Variants in PRELID2 observed in about 807,000 individuals in gnomAD.
PRELID2 encodes the protein PRELI domain containing 2.
Under a neutral mutation model 28.4 loss-of-function variants are expected in PRELID2, and 25 were observed. The observed-to-expected ratio is 0.88, with a 90% CI of 0.64 to 1.23. PRELID2 has a LOEUF of 1.23. PRELID2 is among the 50% of genes most tolerant of loss of function. The probability of loss-of-function intolerance (pLI) is 0.00; values close to 1 mark genes in which losing one functional copy is unlikely to be tolerated. For synonymous variants in PRELID2, 76 were observed against 71.6 expected, an observed-to-expected ratio of 1.06 and a Z score of -0.31; for missense variants, 201 against 214.4, an observed-to-expected ratio of 0.94 and a Z score of 0.39.
chr5:145,402,576 T>C, the PRELID2 span, among the ~76,000 whole-genome samples: 20 of 152,196 alleles, frequency 1.3e-4, no homozygotes, highest in Non-Finnish European at 1.9e-4. Context: ...CCTTTTCCAA[T>C]TCTCACTGGG....
the PRELID2 span, among the ~76,000 whole-genome samples, chr5:145,446,216 A>G: frequency 6.6e-6 from 1 of 152,100 alleles, no homozygotes; most frequent in African/African-American, 2.4e-5. Flanking sequence ...TATAATATGT[A>G]TGGAAACATC....
chr5:145,645,338 CTTTTT>C (rs35732947), intron 1 of PRELID2, among the ~76,000 whole-genome samples: 225 of 47,840 alleles, frequency 4.7e-3, no homozygotes, highest in African/African-American at 0.025. Context: ...GCAACTCCTG[CTTTTT>C]TTTTTTTTTT....
At chr5:145,798,812 G>A (rs1752936383) in intron 4 of PRELID2, among the ~76,000 whole-genome samples, 1 of 152,176 alleles carries the variant, frequency 6.6e-6, no homozygotes, top group Admixed American at 6.6e-5. Flanking sequence ...TCATAGATGG[G>A]AATTGAACAA....
intron 1 of PRELID2, among the ~76,000 whole-genome samples, chr5:145,580,891 C>T (rs544021294): frequency 5.8e-4 from 89 of 152,182 alleles, no homozygotes; most frequent in African/African-American, 1.8e-3. Flanking sequence ...ATTTGCTTAG[C>T]AAGATGCCTG....
chr5:145,531,379 C>A (rs1394203309), intron 1 of PRELID2, among the ~76,000 whole-genome samples: 5 of 152,188 alleles, frequency 3.3e-5, no homozygotes, highest in Admixed American at 2.0e-4. Flanking sequence ...TTGTTTACTT[C>A]TGGCTAGTGT....
At chr5:145,318,756 T>C in the PRELID2 span, among the ~76,000 whole-genome samples, 1 of 152,324 alleles carries the variant, frequency 6.6e-6, no homozygotes, top group South Asian at 2.1e-4. Flanking sequence ...TACAGTGCTC[T>C]TTTAGCTCTA....
the PRELID2 span, among the ~76,000 whole-genome samples, chr5:145,374,207 G>C: frequency 6.6e-6 from 1 of 151,824 alleles, no homozygotes; most frequent in African/African-American, 2.4e-5. Context: ...GCATTTGCTT[G>C]TCTGGGAAGG....
the PRELID2 span, among the ~76,000 whole-genome samples, chr5:145,329,377 G>A: frequency 6.6e-6 from 1 of 152,084 alleles, no homozygotes; most frequent in Non-Finnish European, 1.5e-5. Flanking sequence ...GGGCAGTATG[G>A]CCATTTTTAC....
chr5:145,411,686 A>T, the PRELID2 span, among the ~76,000 whole-genome samples: 1 of 152,184 alleles, frequency 6.6e-6, no homozygotes, highest in Non-Finnish European at 1.5e-5. Flanking sequence ...TCTACTAGGC[A>T]GTGCTCCAGT....
At chr5:145,789,636 CA>C (rs956549512) in intron 5 of PRELID2, among the ~76,000 whole-genome samples, 3 of 152,022 alleles carry the variant, frequency 2.0e-5, no homozygotes, top group Admixed American at 6.6e-5. Context: ...CAAAAACAGA[CA>C]AATAAGATTG....
chr5:145,667,119 A>G (rs545366871), intron 1 of PRELID2, among the ~76,000 whole-genome samples: 27 of 152,110 alleles, frequency 1.8e-4, no homozygotes, highest in Non-Finnish European at 3.4e-4. Context: ...AAGTCTCAAT[A>G]CGCAGAGAAA....
chr5:145,691,292 C>T (rs1396069306), intron 1 of PRELID2, among the ~76,000 whole-genome samples: 3 of 152,312 alleles, frequency 2.0e-5, no homozygotes, highest in Admixed American at 2.0e-4. Context: ...TAGGACCAAG[C>T]ACAGTTGCTG....
intron 1 of PRELID2, among the ~76,000 whole-genome samples, chr5:145,576,385 G>A (rs1753060321): frequency 6.6e-6 from 1 of 152,110 alleles, no homozygotes; most frequent in Non-Finnish European, 1.5e-5. Flanking sequence ...GGTCTTTTGT[G>A]TCTGGCTTCC....
At chr5:145,525,134 A>T (rs1054907647) in intron 1 of PRELID2, among the ~76,000 whole-genome samples, 2 of 152,170 alleles carry the variant, frequency 1.3e-5, no homozygotes, top group African/African-American at 2.4e-5. Context: ...TTATTTCAAT[A>T]TGTTCACATT....
intron 1 of PRELID2, among the ~76,000 whole-genome samples, chr5:145,487,929 C>T (rs2126623574): frequency 6.6e-6 from 1 of 151,564 alleles, no homozygotes; most frequent in African/African-American, 2.4e-5. Context: ...TCGAGACCAT[C>T]CTGGCTAACA....
At chr5:145,271,532 A>C in the PRELID2 span, among the ~76,000 whole-genome samples, 3 of 152,212 alleles carry the variant, frequency 2.0e-5, no homozygotes, top group Non-Finnish European at 2.9e-5. Context: ...ATCTTTATTA[A>C]GATTTGGTAA....
chr5:145,792,390 C>A (rs1752453282), intron 5 of PRELID2, among the ~76,000 whole-genome samples: 1 of 152,178 alleles, frequency 6.6e-6, no homozygotes. Context: ...TGCTTGGCAT[C>A]TACTAAGCTC....
the PRELID2 span, among the ~76,000 whole-genome samples, chr5:145,369,347 C>T: frequency 6.6e-6 from 1 of 151,958 alleles, no homozygotes; most frequent in South Asian, 2.1e-4. Flanking sequence ...TTGCTCAAAT[C>T]CCACTTATGA....
chr5:145,497,254 A>C (rs1752317179), intron 1 of PRELID2, among the ~76,000 whole-genome samples: 1 of 152,212 alleles, frequency 6.6e-6, no homozygotes, highest in Admixed American at 6.5e-5. Context: ...GTGCTTTTGT[A>C]GTACAGTATT....
Sources: allele counts gnomAD v4.1 joint callset (sites outside exome capture counted in the v4.1 genomes callset), GRCh38; gene constraint gnomAD v4.1.1; transcripts MANE v1.5; gene names NCBI Gene and HGNC (gene_info 2026-07-23, HGNC 2026-07-21).